Variants in SMIM31 observed in about 807,000 individuals in gnomAD.
SMIM31 encodes the protein human epithelial cell program regulator.
chr4:164,783,454 G>T (rs1299205270), intron 2 of SMIM31, among the ~76,000 whole-genome samples: 2 of 149,980 alleles, frequency 1.3e-5, no homozygotes, highest in Non-Finnish European at 2.9e-5. Context: ...AACACAGGAA[G>T]CGAAGGTTAC....
Position 164,801,998 on chromosome 4 carries a change from C to G in SMIM31, c.*804C>G, listed in dbSNP as rs1733290884. 1.3e-5 allele frequency: 2 copies of G among 151,722 alleles called. No individual in the cohort carries two copies. The highest frequency in any genetic ancestry group is 4.2e-4 in the South Asian group (2 of 4,800). 9.4% of individuals were successfully genotyped at this position (151,722 alleles called of 1,614,324 possible). ...CCTGTAATCCCAGCACTTTGGGAGGCCGAGGTGGGCAGATCACGAGGTCAG... is the reference window on the plus strand; with the variant it reads ...CCTGTAATCCCAGCACTTTGGGAGGGCGAGGTGGGCAGATCACGAGGTCAG... On this transcript the variant is annotated 3_prime_UTR_variant, in exon 3 of 3. Coordinates refer to ENST00000507311, the MANE Select transcript of SMIM31 (RefSeq NM_001352885.1).
chr4:164,758,080 T>C (rs1204474771), intron 1 of SMIM31, among the ~76,000 whole-genome samples: 1 of 149,210 alleles, frequency 6.7e-6, no homozygotes, highest in Non-Finnish European at 1.5e-5. Flanking sequence ...CTCAGAAGTG[T>C]TTTGTAGTTT....
chr4:164,779,548 T>G (rs75837257), intron 2 of SMIM31, among the ~76,000 whole-genome samples: 1 of 148,126 alleles, frequency 6.8e-6, no homozygotes, highest in Non-Finnish European at 1.5e-5. Flanking sequence ...AATTTTTTTT[T>G]GCAATTTTTC....
At chr4:164,791,089 A>AT (rs1733094511) in intron 2 of SMIM31, among the ~76,000 whole-genome samples, 2 of 151,902 alleles carry the variant, frequency 1.3e-5, no homozygotes, top group Admixed American at 1.3e-4. Context: ...CACTTTCAAG[A>AT]TTTTTTTTCC....
chr4:164,781,059 T>C (rs1732942858), intron 2 of SMIM31, among the ~76,000 whole-genome samples: 2 of 151,928 alleles, frequency 1.3e-5, no homozygotes, highest in Non-Finnish European at 2.9e-5. Context: ...TTGTCCCACC[T>C]CCACCTCTCA....
chr4:164,785,245 T>TA (rs35220807), intron 2 of SMIM31, among the ~76,000 whole-genome samples: 3 of 150,820 alleles, frequency 2.0e-5, no homozygotes, highest in African/African-American at 2.4e-5. Flanking sequence ...AAATAAAAAA[T>TA]AAAAAAAAAA....
At chr4:164,794,459 G>GT (rs1268818827) in intron 2 of SMIM31, among the ~76,000 whole-genome samples, 14 of 152,012 alleles carry the variant, frequency 9.2e-5, no homozygotes, top group Non-Finnish European at 1.9e-4. Flanking sequence ...AATCTTTAGT[G>GT]TAAAAAAACA....
chr4:164,783,993 T>C (rs1732995384), intron 2 of SMIM31, among the ~76,000 whole-genome samples: 4 of 152,198 alleles, frequency 2.6e-5, no homozygotes, highest in Admixed American at 2.6e-4. Context: ...AACTTGGAAA[T>C]GACAAGAATT....
chr4:164,772,725 C>T (rs1212124538), intron 2 of SMIM31, among the ~76,000 whole-genome samples: 3 of 151,552 alleles, frequency 2.0e-5, no homozygotes, highest in Admixed American at 6.6e-5. Flanking sequence ...ACTACAGGCG[C>T]CCGCCACCAC....
intron 2 of SMIM31, among the ~76,000 whole-genome samples, chr4:164,797,892 C>A (rs1733225789): frequency 6.6e-6 from 1 of 152,108 alleles, no homozygotes; most frequent in African/African-American, 2.4e-5. Context: ...TCCCACCCTC[C>A]CACCTTTTGT....
In SMIM31 at chr4:164,801,766, T is replaced by A. The variant is rs971523494; in HGVS notation, c.*572T>A. ...GCCTCAGTAAGCTTTAAAACACAAATGTCTACGTTTTCTGAAGCAATATGG... is the reference window on the plus strand; with the variant it reads ...GCCTCAGTAAGCTTTAAAACACAAAAGTCTACGTTTTCTGAAGCAATATGG... On this transcript the variant is annotated 3_prime_UTR_variant, in exon 3 of 3. Coordinates refer to ENST00000507311, the MANE Select transcript of SMIM31 (RefSeq NM_001352885.1). 3.3e-5 allele frequency: 5 copies of A among 152,154 alleles called. No homozygotes were observed. The highest frequency in any genetic ancestry group is 9.7e-5 in the African/African-American group (4 of 41,436). The allele number at this position is 152,154 out of a possible 1,614,324, so 9.4% of individuals were successfully genotyped here. A position where few individuals can be genotyped will look rare whatever the true frequency, so the allele number is the denominator to read the frequency against.
At chr4:164,772,740 G>A (rs1001631208) in intron 2 of SMIM31, among the ~76,000 whole-genome samples, 34 of 151,538 alleles carry the variant, frequency 2.2e-4, no homozygotes, top group Admixed American at 4.6e-4. Flanking sequence ...CACCACGCCC[G>A]GCTAATTTTT....
intron 2 of SMIM31, among the ~76,000 whole-genome samples, chr4:164,793,703 T>C (rs1406001626): frequency 1.3e-5 from 2 of 152,162 alleles, no homozygotes; most frequent in African/African-American, 4.8e-5. Context: ...CTGAGCCCCA[T>C]CCTTATGACC....
chr4:164,757,755 T>G (rs942861456), intron 1 of SMIM31, among the ~76,000 whole-genome samples: 1 of 152,172 alleles, frequency 6.6e-6, no homozygotes, highest in Non-Finnish European at 1.5e-5. Context: ...TTTGAACCCT[T>G]TATTTAGTGC....
chr4:164,783,797 A>T (rs184677962), intron 2 of SMIM31, among the ~76,000 whole-genome samples: 1 of 152,228 alleles, frequency 6.6e-6, no homozygotes, highest in Admixed American at 6.5e-5. Flanking sequence ...ATAAAAAGAA[A>T]AATATGTGAT....
At chr4:164,790,383 A>T (rs1352442156) in intron 2 of SMIM31, among the ~76,000 whole-genome samples, 1 of 152,192 alleles carries the variant, frequency 6.6e-6, no homozygotes, top group African/African-American at 2.4e-5. Context: ...TATGTTACAG[A>T]TTGCAAAATC....
chr4:164,797,224 T>A (rs1733209912), intron 2 of SMIM31, among the ~76,000 whole-genome samples: 1 of 152,100 alleles, frequency 6.6e-6, no homozygotes, highest in African/African-American at 2.4e-5. Flanking sequence ...CCTTGCAAAG[T>A]TTTATTTTTT....
At chr4:164,755,895 T>C (rs1732554967) in intron 1 of SMIM31, among the ~76,000 whole-genome samples, 1 of 152,154 alleles carries the variant, frequency 6.6e-6, no homozygotes, top group Non-Finnish European at 1.5e-5. Flanking sequence ...AATTGTATCA[T>C]GAACATCCAA....
chr4:164,768,733 CTG>C (rs1732754908), intron 1 of SMIM31, among the ~76,000 whole-genome samples: 1 of 152,112 alleles, frequency 6.6e-6, no homozygotes, highest in Non-Finnish European at 1.5e-5. Flanking sequence ...ACAAATTTTT[CTG>C]TTTTTATTTT....
Sources: allele counts gnomAD v4.1 joint callset (sites outside exome capture counted in the v4.1 genomes callset), GRCh38; gene constraint gnomAD v4.1.1; transcripts MANE v1.5; gene names NCBI Gene and HGNC (gene_info 2026-07-23, HGNC 2026-07-21).